The following CDH2 variants were observed in gnomAD, a reference collection of about 807,000 sequenced individuals.
CDH2 encodes the protein cadherin-2.
A neutral mutation model predicts 92.0 loss-of-function variants in CDH2; 17 were observed. The ratio of observed to expected loss-of-function variants is 0.18; its 90% confidence interval spans 0.13 to 0.28. CDH2 has a LOEUF of 0.28. CDH2 is among the 10% of genes least tolerant of loss of function. The pLI is 1.00. For missense variants in CDH2, 862 were observed against 1,133.1 expected (o/e 0.76, Z 3.44); for synonymous variants, 419 against 415.9 (o/e 1.01, Z -0.09).
intron 2 of CDH2, among the ~76,000 whole-genome samples, chr18:28,024,696 C>T (rs968190674): frequency 6.6e-6 from 1 of 151,418 alleles, no homozygotes; most frequent in African/African-American, 2.4e-5. Context: ...AATTTAGTGT[C>T]CAGAGAAATC....
At chr18:28,110,853 T>C (rs1198520709) in intron 2 of CDH2, among the ~76,000 whole-genome samples, 1 of 152,110 alleles carries the variant, frequency 6.6e-6, no homozygotes, top group Non-Finnish European at 1.5e-5. Flanking sequence ...AAGATGGCTA[T>C]AGAACCCAAA....
At chr18:27,940,737 A>T (rs1909115215) in intron 6 of CDH2, among the ~76,000 whole-genome samples, 1 of 152,230 alleles carries the variant, frequency 6.6e-6, no homozygotes, top group South Asian at 2.1e-4. Context: ...TCAATTTAAC[A>T]TGCAAAAACA....
intron 15 of CDH2, among the ~76,000 whole-genome samples, chr18:27,957,435 T>G (rs1031239426): frequency 6.5e-5 from 9 of 139,334 alleles, no homozygotes; most frequent in African/African-American, 2.4e-4. Flanking sequence ...TTTTTTTGTA[T>G]AGAGGGTTTT....
rs2011680504 is a variant in CDH2, at chr18:27,972,177, T to G, written c.2350-8656A>C. On this transcript the variant is annotated intron_variant, in intron 14 of 15. Transcript: ENST00000269141. ...TATACTCAGATTTTTTTTTAATAACTTGGCTGCTTAGATTGCTTCTCCAGA... is the reference window on the plus strand; with the variant it reads ...TATACTCAGATTTTTTTTTAATAACGTGGCTGCTTAGATTGCTTCTCCAGA... Among the ~76,000 whole-genome samples, 3 of 152,170 alleles carry G rather than the reference T, an allele frequency of 2.0e-5. No homozygotes were observed. In the South Asian group the frequency reaches 6.2e-4, roughly 32 times the overall value.
At chr18:28,153,856 C>T (rs1001867888) in intron 1 of CDH2, among the ~76,000 whole-genome samples, 1 of 152,148 alleles carries the variant, frequency 6.6e-6, no homozygotes, top group Non-Finnish European at 1.5e-5. Flanking sequence ...AACACGAATC[C>T]AACTCATGGT....
intron 7 of CDH2, among the ~76,000 whole-genome samples, chr18:27,997,021 C>A (rs921315252): frequency 2.7e-4 from 41 of 152,136 alleles, no homozygotes; most frequent in Non-Finnish European, 2.4e-4. Context: ...CTTTTTAAAG[C>A]TTAATTTATT....
At chr18:28,074,406 T>C (rs961348850) in intron 2 of CDH2, among the ~76,000 whole-genome samples, 3 of 152,070 alleles carry the variant, frequency 2.0e-5, no homozygotes, top group Non-Finnish European at 4.4e-5. Flanking sequence ...AATGGGTCTT[T>C]AGTTTTTGTT....
chr18:28,048,015 TTATC>T (rs1454705525), intron 2 of CDH2, among the ~76,000 whole-genome samples: 4 of 151,836 alleles, frequency 2.6e-5, no homozygotes, highest in African/African-American at 9.7e-5. Context: ...CAGTTTTGCT[TTATC>T]TATCTGCTTT....
At chr18:27,948,507 T>C (rs1909331487), downstream of CDH2, among the ~76,000 whole-genome samples, 1 of 151,804 alleles carries the variant, frequency 6.6e-6, no homozygotes, top group Non-Finnish European at 1.5e-5. Flanking sequence ...GAGAACCACA[T>C]AAAAATGAAA....
At chr18:27,944,746 T>C (rs998706660) in intron 6 of CDH2, among the ~76,000 whole-genome samples, 5 of 129,206 alleles carry the variant, frequency 3.9e-5, no homozygotes, top group African/African-American at 1.5e-4. Flanking sequence ...ATAGTGAGAC[T>C]TCCTTTCTAA....
chr18:28,118,083 T>C (rs1383678890), intron 2 of CDH2, among the ~76,000 whole-genome samples: 4 of 150,632 alleles, frequency 2.7e-5, no homozygotes, highest in Non-Finnish European at 5.9e-5. Flanking sequence ...CACACTTTCC[T>C]TTTTTTCTGC....
intron 14 of CDH2, among the ~76,000 whole-genome samples, chr18:27,974,920 G>A (rs2143923815): frequency 6.6e-6 from 1 of 152,238 alleles, no homozygotes; most frequent in Admixed American, 6.5e-5. Flanking sequence ...CACAGTTTAT[G>A]AAATTTTGTT....
At chr18:27,966,382 AT>A (rs1229313285) in intron 14 of CDH2, among the ~76,000 whole-genome samples, 1 of 152,148 alleles carries the variant, frequency 6.6e-6, no homozygotes, top group African/African-American at 2.4e-5. Flanking sequence ...ATATAGAGGA[AT>A]TTCGTTCATA....
intron 7 of CDH2, among the ~76,000 whole-genome samples, chr18:27,995,996 G>A (rs757024295): frequency 5.3e-5 from 8 of 152,154 alleles, no homozygotes; most frequent in Non-Finnish European, 1.2e-4. Flanking sequence ...TTTAGATTCC[G>A]TTAAGTGTTC....
chr18:28,134,788 A>G (rs1020542684), intron 2 of CDH2, among the ~76,000 whole-genome samples: 1 of 152,214 alleles, frequency 6.6e-6, no homozygotes, highest in Non-Finnish European at 1.5e-5. Flanking sequence ...CTGACACCTC[A>G]GAGAAACCAA....
intron 2 of CDH2, among the ~76,000 whole-genome samples, chr18:28,077,629 G>T (rs1004932952): frequency 6.6e-6 from 1 of 152,058 alleles, no homozygotes; most frequent in Admixed American, 6.5e-5. Context: ...AGTGGCTCAC[G>T]CCTGTAATCC....
intron 5 of CDH2, among the ~76,000 whole-genome samples, chr18:28,008,009 C>T (rs974989952): frequency 3.3e-5 from 5 of 152,134 alleles, no homozygotes; most frequent in African/African-American, 4.8e-5. Flanking sequence ...GCTAGGATTC[C>T]GGGCGTGAGC....
chr18:28,171,162 G>A lies in CDH2; in HGVS notation c.60+5801C>T, dbSNP rs534095691. ...GGAGAATTCCTTGAGCCCGGGAGAC[G>A]GAGGATGTAGTTGAGCCAAGACTGT... On this transcript the variant is annotated intron_variant, in intron 1 of 15. Coordinates refer to ENST00000269141, the MANE Select transcript of CDH2 (RefSeq NM_001792.5). 1.7e-3 allele frequency among the ~76,000 whole-genome samples: 261 copies of A among 151,616 alleles called. 1 individual carries two copies. Among genetic ancestry groups the A allele is most frequent in the African/African-American group, 5.9e-3 (244 of 41,292 alleles).
intron 2 of CDH2, among the ~76,000 whole-genome samples, chr18:28,060,090 AC>A (rs1482123849): frequency 2.0e-5 from 3 of 152,172 alleles, no homozygotes; most frequent in African/African-American, 4.8e-5. Context: ...ACAACGCATA[AC>A]AGATAGTCTT....
Sources: allele counts gnomAD v4.1 joint callset (sites outside exome capture counted in the v4.1 genomes callset), GRCh38; gene constraint gnomAD v4.1.1; transcripts MANE v1.5; gene names NCBI Gene and HGNC (gene_info 2026-07-23, HGNC 2026-07-21).